The following NEDD4L variants were observed in gnomAD, a reference collection of about 807,000 sequenced individuals.
NEDD4L encodes E3 ubiquitin-protein ligase NEDD4-like.
Under a neutral mutation model 148.9 loss-of-function variants are expected in NEDD4L, and 54 were observed. The ratio of observed to expected loss-of-function variants is 0.36; its 90% CI spans 0.29 to 0.45. The LOEUF is 0.45. Ranked by LOEUF, NEDD4L falls within the 20% of genes least tolerant of loss-of-function variation. The probability of loss-of-function intolerance (pLI) is 1.00; values close to 1 mark genes in which losing one functional copy is unlikely to be tolerated. For synonymous variants in NEDD4L, 433 were observed against 440.7 expected (o/e 0.98, Z 0.22); for missense variants, 856 against 1,233.8 (o/e 0.69, Z 4.59).
At position 58,148,046 on chromosome 18, in the gene NEDD4L, C is replaced by G. The variant is rs991158629; in HGVS notation, c.49-17742C>G. Among the ~76,000 whole-genome samples, 6 of 152,176 alleles carry G rather than the reference C, an allele frequency of 3.9e-5. No homozygotes were observed. In the South Asian group the frequency reaches 8.3e-4, roughly 21 times the overall value. ...TCAAGGAGTCCACCCCTCTCTCCCC[C>G]CCTTTTTTTTTTGGTCACTGAAATA... On this transcript the variant is annotated intron_variant, in intron 1 of 30. Coordinates refer to ENST00000400345, the MANE Select transcript of NEDD4L (RefSeq NM_001144967.3).
chr18:58,340,181 C>A (rs1481945835), intron 13 of NEDD4L, among the ~76,000 whole-genome samples: 1 of 152,214 alleles, frequency 6.6e-6, no homozygotes, highest in East Asian at 1.9e-4. Flanking sequence ...TCTCCAGCAT[C>A]TGTCCCAGTG....
chr18:58,117,901 C>T (rs187683985), intron 1 of NEDD4L, among the ~76,000 whole-genome samples: 1 of 152,316 alleles, frequency 6.6e-6, no homozygotes, highest in East Asian at 1.9e-4. Flanking sequence ...GAAGCTTCCC[C>T]TCTCCTAACC....
chr18:58,113,510 A>G (rs78737121), intron 1 of NEDD4L, among the ~76,000 whole-genome samples: 1 of 152,256 alleles, frequency 6.6e-6, no homozygotes, highest in Non-Finnish European at 1.5e-5. Flanking sequence ...TGAGACCTAA[A>G]GGAAGGGGAG....
chr18:58,044,953 T>G, intron 1 of NEDD4L: 1 of 450,898 alleles, frequency 2.2e-6, no homozygotes, highest in Non-Finnish European at 4.0e-6. Context: ...GGGGGTTCAC[T>G]CCGCAGCTCC....
intron 2 of NEDD4L, among the ~76,000 whole-genome samples, chr18:58,198,279 G>A (rs1436084497): frequency 4.6e-5 from 7 of 152,088 alleles, no homozygotes; most frequent in South Asian, 2.1e-4. Flanking sequence ...GGATGGCACC[G>A]TCCTGCAGCC....
At chr18:58,064,202 G>A (rs906044237) in intron 1 of NEDD4L, among the ~76,000 whole-genome samples, 1 of 152,010 alleles carries the variant, frequency 6.6e-6, no homozygotes, top group Middle Eastern at 3.4e-3. Context: ...CTGACTTCGT[G>A]ATCTGCCCGT....
At chr18:58,096,604 A>G (rs2084428327) in intron 1 of NEDD4L, among the ~76,000 whole-genome samples, 1 of 151,838 alleles carries the variant, frequency 6.6e-6, no homozygotes, top group African/African-American at 2.4e-5. Context: ...GGGTTTTGCC[A>G]TGTTGGCCAG....
chr18:58,291,629 C>G (rs1026743333), intron 5 of NEDD4L, among the ~76,000 whole-genome samples: 1 of 152,116 alleles, frequency 6.6e-6, no homozygotes, highest in Non-Finnish European at 1.5e-5. Context: ...CAATCTTTGC[C>G]TAGGAAAGAC....
At chr18:58,356,362 C>G (rs1461653208) in intron 18 of NEDD4L, among the ~76,000 whole-genome samples, 2 of 151,664 alleles carry the variant, frequency 1.3e-5, no homozygotes, top group Admixed American at 1.3e-4. Context: ...CTAGTGTGCC[C>G]CACCCCCCGT....
chr18:58,144,706 A>G (rs964156807), intron 1 of NEDD4L, among the ~76,000 whole-genome samples: 1 of 152,144 alleles, frequency 6.6e-6, no homozygotes, highest in African/African-American at 2.4e-5. Flanking sequence ...AACAAAATAA[A>G]AATTACCCAC....
intron 1 of NEDD4L, among the ~76,000 whole-genome samples, chr18:58,132,876 A>G (rs551598248): frequency 1.3e-5 from 2 of 152,334 alleles, no homozygotes; most frequent in South Asian, 4.1e-4. Flanking sequence ...TTTAACATGT[A>G]GGGTAACTAG....
In NEDD4L at chr18:58,163,972, A is replaced by T. The variant is rs915693094; in HGVS notation, c.49-1816A>T. On this transcript the variant is annotated intron_variant, in intron 1 of 30. Transcript: ENST00000400345. The stretch of plus-strand genomic sequence containing the variant: ...CTTGACTAAACATGTTGGGTAAATG[A>T]ATTTCATATTACTACTTTCTTGCGC... Among the ~76,000 whole-genome samples the T allele has an allele frequency of 5.3e-5, 8 of 151,870 alleles. No homozygotes were observed. In the East Asian group the frequency reaches 1.5e-3, roughly 29 times the overall value.
chr18:58,270,279 A>C (rs561916818), intron 5 of NEDD4L, among the ~76,000 whole-genome samples: 1 of 152,326 alleles, frequency 6.6e-6, no homozygotes, highest in African/African-American at 2.4e-5. Flanking sequence ...AGTAAAGAGG[A>C]AAAAGACTGA....
At chr18:58,050,112 G>GT (rs950924728) in intron 1 of NEDD4L, among the ~76,000 whole-genome samples, 4 of 151,496 alleles carry the variant, frequency 2.6e-5, no homozygotes, top group African/African-American at 9.7e-5. Flanking sequence ...TGTTATGATT[G>GT]TTTATTTCAT....
chr18:58,302,728 C>T (rs1318756808), intron 5 of NEDD4L, among the ~76,000 whole-genome samples: 1 of 152,222 alleles, frequency 6.6e-6, no homozygotes, highest in Admixed American at 6.5e-5. Context: ...GGTCTTAGCC[C>T]CATTTTCCAG....
rs924232010 is a variant in NEDD4L at position 58,322,462 on chromosome 18, A to G, written c.386A>G (p.Lys129Arg). Residue 129 changes from lysine (K) to arginine (R), a missense_variant, in exon 7 of 31, where the codon AAG becomes AGG. By Grantham distance (26) the Lys-to-Arg change is conservative. Coordinates refer to ENST00000400345, the MANE Select transcript of NEDD4L (RefSeq NM_001144967.3). ...DPTMERPYTF[K>R]DFLLRPRSHK... is the part of the protein sequence containing the mutation. ...ACCATGGAGCGACCCTATACATTTA[A>G]GGACTTTCTCCTCAGACCAAGAAGG... 4.7e-6 allele frequency: 7 copies of G among 1,491,570 alleles called. No individual in the cohort carries two copies. The highest frequency in any genetic ancestry group is 6.4e-6 in the Non-Finnish European group (7 of 1,099,890). 92.4% of individuals were successfully genotyped at this position (1,491,570 alleles called of 1,614,324 possible).
intron 2 of NEDD4L, chr18:58,195,549 C>A: frequency 1.5e-6 from 2 of 1,339,624 alleles, no homozygotes; most frequent in South Asian, 2.3e-5. Context: ...GAGCCCTGTC[C>A]ACGCGGTGCC....
intron 1 of NEDD4L, among the ~76,000 whole-genome samples, chr18:58,139,297 C>T (rs2033219706): frequency 6.6e-6 from 1 of 151,030 alleles, no homozygotes; most frequent in Non-Finnish European, 1.5e-5. Context: ...ACCCCTCCCC[C>T]GACCCCCGCC....
At position 58,396,340 on chromosome 18, in the gene NEDD4L, C is replaced by A; in HGVS notation, c.*71C>A. ...TGCACTTTTGCATTTGCCTAACAGA[C>A]TTTTGCAGAGGCGATGGCAGAGAGC... On this transcript the variant is annotated 3_prime_UTR_variant, in exon 31 of 31. Transcript: ENST00000400345. 1 of 1,059,348 alleles carries A rather than the reference C, an allele frequency of 9.4e-7. No homozygotes were observed. Among genetic ancestry groups the A allele is most frequent in the Non-Finnish European group, 1.4e-6 (1 of 696,978 alleles). 65.6% of individuals were successfully genotyped at this position (1,059,348 alleles called of 1,614,324 possible).
Sources: gnomAD v4.1 joint callset for allele counts (sites outside exome capture counted in the v4.1 genomes callset) on GRCh38, gnomAD v4.1.1 for gene constraint, MANE v1.5 for transcripts, NCBI Gene and HGNC (gene_info 2026-07-23, HGNC 2026-07-21) for gene names.